CFAP46: variants seen among roughly 807,000 people sequenced by gnomAD.
CFAP46 encodes cilia and flagella associated protein 46.
Under a neutral mutation model 325.7 loss-of-function variants are expected in CFAP46, and 245 were observed. The observed-to-expected ratio is 0.75, with a 90% CI of 0.68 to 0.84. The LOEUF is 0.84. CFAP46 is among the 40% of genes least tolerant of loss of function. CFAP46 has a pLI of 0.00. For missense variants in CFAP46, 3,346 were observed against 3,543.0 expected (o/e 0.94, Z 1.41); for synonymous variants, 1,523 against 1,495.9 (o/e 1.02, Z -0.42).
intron 26 of CFAP46, 121 bp downstream of exon 26, chr10:132,885,700 A>C (rs1591071761): frequency 1.3e-6 from 1 of 768,872 alleles, no homozygotes; most frequent in Non-Finnish European, 1.8e-6. Context: ...GGGGGAGCAC[A>C]CCCCCGGTGG....
At chr10:132,816,940 C>T (rs1190188669) in intron 50 of CFAP46, among the ~76,000 whole-genome samples, 8 of 152,308 alleles carry the variant, frequency 5.3e-5, no homozygotes, top group Admixed American at 3.3e-4. Flanking sequence ...ATTTGCTTCT[C>T]AATTTTGTGA....
At chr10:132,829,851 T>C (rs1226887201) in intron 50 of CFAP46, among the ~76,000 whole-genome samples, 2 of 152,378 alleles carry the variant, frequency 1.3e-5, no homozygotes, top group East Asian at 1.9e-4. Context: ...TTAAATTAAT[T>C]ACCCTTGTAT....
chr10:132,919,376 C>A lies in CFAP46; in HGVS notation c.1797G>T (p.Thr599=), dbSNP rs1001698201. 1 of 1,550,134 alleles carries A rather than the reference C, an allele frequency of 6.5e-7. No homozygotes were observed. Among genetic ancestry groups the A allele is most frequent in the African/African-American group, 1.4e-5 (1 of 73,146 alleles). The change falls in exon 15 of 58, where the codon ACG becomes ACT. Residue 599 remains threonine, a synonymous_variant. Transcript: ENST00000368586. This position sits in a 1 kb window ranked among gnomAD's most constrained non-coding sequence, Gnocchi z 9.7. Reference sequence around the variant, plus strand: ...CATACAGGAGGCAGAAGCGGCTCGCCGTCCGACAGACGTCCCACACGCCTT... The same window carrying A: ...CATACAGGAGGCAGAAGCGGCTCGCAGTCCGACAGACGTCCCACACGCCTT... The part of the protein sequence containing the change: ...RKQGVWDVCR[T]ASRFCLLYDN...
Position 132,927,868 on chromosome 10 carries a change from T to C in CFAP46, c.967-1202A>G, listed in dbSNP as rs142171340. Among the ~76,000 whole-genome samples, 244 of 152,366 alleles carry C rather than the reference T, an allele frequency of 1.6e-3. 1 individual carries two copies. The highest frequency in any genetic ancestry group is 2.5e-3 in the Non-Finnish European group (173 of 68,030). On this transcript the variant is annotated intron_variant, in intron 9 of 57. Transcript: ENST00000368586. ...TCGTGAGATCCTGAATGTCTAACAG[T>C]AGGCTGGCGGGGATAATGAGCCTCC... is the stretch of plus-strand genomic sequence containing the variant.
At position 132,833,391 on chromosome 10, in the gene CFAP46, T is replaced by C. The variant is rs565436732; in HGVS notation, c.7084A>G (p.Met2362Val). The change falls in exon 50 of 58, where the codon ATG becomes GTG. Residue 2362 changes from methionine (M) to valine (V), a missense_variant. Coordinates refer to ENST00000368586, the MANE Select transcript of CFAP46 (RefSeq NM_001200049.3). ...SSVSREFSLQMLWNRLHKEET... is the reference protein window; with the variant it reads ...SSVSREFSLQVLWNRLHKEET... ...TCTTTATGGAGGCGATTCCACAGCATTTGAAGAGAAAATTCTCGTGACACA... is the reference window on the plus strand; with the variant it reads ...TCTTTATGGAGGCGATTCCACAGCACTTGAAGAGAAAATTCTCGTGACACA... 6.8e-6 allele frequency: 11 copies of C among 1,614,172 alleles called. No homozygotes were observed. The highest frequency in any genetic ancestry group is 9.3e-6 in the Non-Finnish European group (11 of 1,180,028).
intron 9 of CFAP46, among the ~76,000 whole-genome samples, chr10:132,928,456 G>A (rs893444158): frequency 6.6e-6 from 1 of 152,216 alleles, no homozygotes; most frequent in Non-Finnish European, 1.5e-5. Flanking sequence ...GCACCCTGGT[G>A]GGCGGTCCCT....
At chr10:132,821,509 CGCTGTGT>C (rs1359667237) in intron 50 of CFAP46, among the ~76,000 whole-genome samples, 14 of 91,966 alleles carry the variant, frequency 1.5e-4, no homozygotes, top group African/African-American at 2.3e-4. Context: ...GTGCTGTGTG[CGCTGTGT>C]GCTGTGTGCT....
chr10:132,894,415 A>G (rs1005622252), intron 24 of CFAP46, among the ~76,000 whole-genome samples: 1 of 152,214 alleles, frequency 6.6e-6, no homozygotes, highest in Non-Finnish European at 1.5e-5. Flanking sequence ...TCTCAACTCA[A>G]TAATCAACTT....
intron 11 of CFAP46, 146 bp downstream of exon 11, chr10:132,924,550 A>G (rs893337258): frequency 8.1e-6 from 6 of 742,626 alleles, no homozygotes; most frequent in African/African-American, 1.8e-5. Context: ...CGGAGCTGGG[A>G]CAGAGGGTGG....
Position 132,808,422 on chromosome 10 carries a change from C to G in CFAP46, c.8147G>C (p.Ter2716SerextTer4), listed in dbSNP as rs542624364. Residue 2716 changes from the stop codon to serine, a stop_lost, in exon 58 of 58, where the codon TGA becomes TCA. Coordinates refer to ENST00000368586, the MANE Select transcript of CFAP46 (RefSeq NM_001200049.3). This position sits in a 1 kb window ranked among gnomAD's most constrained non-coding sequence, Gnocchi z 6.8. Reference sequence around the variant, plus strand: ...TTTGTTGTTTGTTTAGTGGAACACTCAAATCAAAAACAGGCTCACGGTCTG... The same window carrying G: ...TTTGTTGTTTGTTTAGTGGAACACTGAAATCAAAAACAGGCTCACGGTCTG... ...TIQTVSLFLI[*>S] 2.5e-6 allele frequency: 4 copies of G among 1,599,090 alleles called. No homozygotes were observed. The highest frequency in any genetic ancestry group is 1.1e-5 in the South Asian group (1 of 90,646).
At chr10:132,823,238 CTGTGTGA>C (rs1203531953) in intron 50 of CFAP46, among the ~76,000 whole-genome samples, 2 of 107,306 alleles carry the variant, frequency 1.9e-5, no homozygotes, top group African/African-American at 3.8e-5. Flanking sequence ...GTGCTGTGTG[CTGTGTGA>C]GCGCTGATGT....
chr10:132,930,957 C>T (rs573038831), intron 8 of CFAP46, among the ~76,000 whole-genome samples: 1 of 126,584 alleles, frequency 7.9e-6, no homozygotes, highest in South Asian at 2.8e-4. Context: ...CCCCACACTT[C>T]TCACACAGAG....
intron 22 of CFAP46, among the ~76,000 whole-genome samples, chr10:132,907,460 C>A (rs761946395): frequency 6.6e-6 from 1 of 152,308 alleles, no homozygotes; most frequent in African/African-American, 2.4e-5. Context: ...GGGGACCTGG[C>A]GGCACGGCTG....
In CFAP46 at chr10:132,884,633, T is replaced by C. The variant is rs959633616; in HGVS notation, c.3627+470A>G. ...TCCTGAGCCCACCCCAAGGGGAACG[T>C]CCATCTCGCCTTCCTGGGGGTGGGG... On this transcript the variant is annotated intron_variant, in intron 27 of 57. Transcript: ENST00000368586. The surrounding 1 kb of genome is among the most constrained non-coding windows in gnomAD (Gnocchi z 5.4). Among the ~76,000 whole-genome samples, 16 of 152,164 alleles carry C rather than the reference T, an allele frequency of 1.1e-4. No homozygotes were observed. Among genetic ancestry groups the C allele is most frequent in the African/African-American group, 3.4e-4 (14 of 41,528 alleles).
At position 132,926,663 on chromosome 10, in the gene CFAP46, G is replaced by C. The variant is rs761044993; in HGVS notation, c.970C>G (p.Pro324Ala). Residue 324 changes from proline (P) to alanine (A), a missense_variant, in exon 10 of 58, where the codon CCT becomes GCT. Coordinates refer to ENST00000368586, the MANE Select transcript of CFAP46 (RefSeq NM_001200049.3). ...SDLKKMESKD[P>A]GKLIEMECLE... ...CATTCCATTTCAATAAGCTTCCCAG[G>C]ATCCTGCAGATATAAACAGTTTTTG... 1 of 1,534,732 alleles carries C rather than the reference G, an allele frequency of 6.5e-7. No homozygotes were observed. The highest frequency in any genetic ancestry group is 8.7e-7 in the Non-Finnish European group (1 of 1,145,698).
At chr10:132,870,017 C>T (rs1055467255) in intron 32 of CFAP46, among the ~76,000 whole-genome samples, 4 of 152,192 alleles carry the variant, frequency 2.6e-5, no homozygotes, top group African/African-American at 7.2e-5. Flanking sequence ...CGCCATTTTC[C>T]CACAGCACCT....
chr10:132,916,259 G>A (rs1022718466), intron 17 of CFAP46, among the ~76,000 whole-genome samples: 10 of 151,774 alleles, frequency 6.6e-5, no homozygotes, highest in African/African-American at 1.9e-4. Context: ...GTGAGCAAGA[G>A]GGACACTACA....
In CFAP46 at chr10:132,912,463, C is replaced by T. The variant is rs188118235; in HGVS notation, c.2499+192G>A. Among the ~76,000 whole-genome samples, 399 of 135,360 alleles carry T rather than the reference C, an allele frequency of 2.9e-3. 4 individuals are homozygous for T. Among genetic ancestry groups the T allele is most frequent in the African/African-American group, 0.01 (367 of 35,046 alleles). The allele number at this position is 135,360 out of a possible 152,430, so 88.8% of individuals were successfully genotyped here. A position where few individuals can be genotyped will look rare whatever the true frequency, so the allele number is the denominator to read the frequency against. On this transcript the variant is annotated intron_variant, in intron 19 of 57. Transcript: ENST00000368586. The stretch of plus-strand genomic sequence containing the variant: ...TCCTCTCCTCTCTCTCTCTCTTCAC[C>T]TCTCTCTCTCTTCACATCTCTCTCT...
chr10:132,873,718 G>C (rs534498600), intron 31 of CFAP46, among the ~76,000 whole-genome samples: 31 of 152,240 alleles, frequency 2.0e-4, no homozygotes, highest in African/African-American at 7.2e-4. Flanking sequence ...GGGGCCGTGC[G>C]GGTGGCCTGG....
Sources: allele counts gnomAD v4.1 joint callset (sites outside exome capture counted in the v4.1 genomes callset), GRCh38; gene constraint gnomAD v4.1.1; non-coding constraint Gnocchi (gnomAD v3.1); transcripts MANE v1.5; gene names NCBI Gene and HGNC (gene_info 2026-07-23, HGNC 2026-07-21).